Variants in SLC26A7 observed in about 807,000 individuals in gnomAD.
SLC26A7 encodes solute carrier family 26 member 7, also known as anion exchange transporter.
A neutral mutation model predicts 82.5 loss-of-function variants in SLC26A7; 59 were observed. That is an observed-to-expected ratio of 0.72 (90% CI 0.58 to 0.89). SLC26A7 has a LOEUF of 0.89. SLC26A7 is among the 40% of genes least tolerant of loss of function. The pLI is 0.00. For missense variants in SLC26A7, 820 were observed against 793.0 expected (o/e 1.03, Z -0.41); for synonymous variants, 271 against 274.3 (o/e 0.99, Z 0.12).
chr8:91,259,777 G>A (rs916555527), intron 2 of SLC26A7, among the ~76,000 whole-genome samples: 1 of 151,996 alleles, frequency 6.6e-6, no homozygotes, highest in Non-Finnish European at 1.5e-5. Flanking sequence ...GTTTAGTTCA[G>A]TAATTCTCAA....
At chr8:91,355,873 C>T (rs188438107) in intron 11 of SLC26A7, among the ~76,000 whole-genome samples, 135 of 152,246 alleles carry the variant, frequency 8.9e-4, no homozygotes, top group African/African-American at 3.0e-3. Context: ...GCTATCCCTC[C>T]CCTCTCCCCC....
chr8:91,361,130 G>A (rs1814038649), intron 11 of SLC26A7, among the ~76,000 whole-genome samples: 1 of 151,910 alleles, frequency 6.6e-6, no homozygotes, highest in Admixed American at 6.6e-5. Flanking sequence ...TACATCAAAA[G>A]GAATTTTAAG....
chr8:91,212,587 T>G (rs1371496179), intron 1 of SLC26A7, among the ~76,000 whole-genome samples: 1 of 152,178 alleles, frequency 6.6e-6, no homozygotes, highest in African/African-American at 2.4e-5. Flanking sequence ...CATTTAATAA[T>G]TTTACTCATT....
chr8:91,274,552 G>A (rs149157196), intron 2 of SLC26A7, among the ~76,000 whole-genome samples: 43 of 152,246 alleles, frequency 2.8e-4, no homozygotes, highest in Admixed American at 6.5e-4. Flanking sequence ...AAGAGAGGGT[G>A]ACCTCACTCC....
intron 11 of SLC26A7, among the ~76,000 whole-genome samples, chr8:91,358,267 C>A (rs1813932782): frequency 6.6e-6 from 1 of 152,068 alleles, no homozygotes; most frequent in Non-Finnish European, 1.5e-5. Context: ...TGGGTATATA[C>A]CCAAAGGAAT....
intron 3 of SLC26A7, among the ~76,000 whole-genome samples, chr8:91,292,923 A>C (rs1462646858): frequency 6.6e-6 from 1 of 152,210 alleles, no homozygotes; most frequent in Non-Finnish European, 1.5e-5. Context: ...TTATTTAAAG[A>C]GCAAAGTTTA....
At chr8:91,387,110 A>T (rs1478525509) in intron 15 of SLC26A7, among the ~76,000 whole-genome samples, 4 of 152,130 alleles carry the variant, frequency 2.6e-5, no homozygotes, top group Non-Finnish European at 5.9e-5. Context: ...AATTTAATAG[A>T]ACATTTCCAA....
intron 2 of SLC26A7, among the ~76,000 whole-genome samples, chr8:91,261,555 A>C (rs1464953171): frequency 6.6e-6 from 1 of 152,092 alleles, no homozygotes; most frequent in Non-Finnish European, 1.5e-5. Flanking sequence ...ACATAACATG[A>C]AATGATGATT....
rs1179940325 is a variant in SLC26A7, at chr8:91,249,367, A to G, written c.-160A>G. ...CATTACTTTTCCAAGACCAGAAAAA[A>G]ATATTACATGAACAGGAACTACTTC... On this transcript the variant is annotated 5_prime_UTR_variant, in exon 1 of 19. Transcript: ENST00000276609. 4.3e-6 allele frequency: 1 copy of G among 232,434 alleles called. No homozygotes were observed. The highest frequency in any genetic ancestry group is 2.2e-5 in the African/African-American group (1 of 44,476). 14.4% of individuals were successfully genotyped at this position (232,434 alleles called of 1,614,324 possible). A position where few individuals can be genotyped will look rare whatever the true frequency, so the allele number is the denominator to read the frequency against.
At chr8:91,241,951 T>C (rs1297302449) in intron 2 of SLC26A7, among the ~76,000 whole-genome samples, 1 of 152,198 alleles carries the variant, frequency 6.6e-6, no homozygotes. Context: ...GAATTTTCCC[T>C]AGTTTTGAAA....
chr8:91,313,670 A>G (rs1244859074), intron 4 of SLC26A7, among the ~76,000 whole-genome samples: 1 of 152,084 alleles, frequency 6.6e-6, no homozygotes, highest in East Asian at 1.9e-4. Flanking sequence ...CCCTTTCCCA[A>G]CATCATCATT....
chr8:91,214,158 A>G (rs1809993592), intron 1 of SLC26A7, among the ~76,000 whole-genome samples: 2 of 152,074 alleles, frequency 1.3e-5, no homozygotes, highest in South Asian at 4.1e-4. Flanking sequence ...GGTGGTGGAA[A>G]AGCAAGGAAA....
At chr8:91,270,897 A>G (rs942094894) in intron 2 of SLC26A7, among the ~76,000 whole-genome samples, 2 of 152,184 alleles carry the variant, frequency 1.3e-5, no homozygotes, top group East Asian at 3.8e-4. Context: ...TTTCTAAAGT[A>G]CCAAGGATCT....
intron 5 of SLC26A7, among the ~76,000 whole-genome samples, chr8:91,331,716 G>T (rs1234675984): frequency 6.6e-6 from 1 of 151,918 alleles, no homozygotes; most frequent in Non-Finnish European, 1.5e-5. Flanking sequence ...GCCTTCAAAG[G>T]TTTTCCATAC....
At chr8:91,332,840 T>C (rs920039619) in intron 5 of SLC26A7, among the ~76,000 whole-genome samples, 1 of 152,142 alleles carries the variant, frequency 6.6e-6, no homozygotes, top group Non-Finnish European at 1.5e-5. Flanking sequence ...TTATATATTT[T>C]ATTATTAGTA....
At position 91,340,284 on chromosome 8, in the gene SLC26A7, C is replaced by T. The variant is rs1404829251; in HGVS notation, c.879-120C>T. The T allele has an allele frequency of 5.5e-6, 7 of 1,269,830 alleles. No homozygotes were observed. In the East Asian group the frequency reaches 1.4e-4, roughly 26 times the overall value. The allele number at this position is 1,269,830 out of a possible 1,614,324, so 78.7% of individuals were successfully genotyped here. A position where few individuals can be genotyped will look rare whatever the true frequency, so the allele number is the denominator to read the frequency against. On this transcript the variant is annotated intron_variant, in intron 7 of 18. Transcript: ENST00000276609. Reference sequence around the variant, plus strand: ...TAAGGGCAAGGCTGCTTGGTTTTCTCATGGGTATTTCACTTAGTCTATGTA... The same window carrying T: ...TAAGGGCAAGGCTGCTTGGTTTTCTTATGGGTATTTCACTTAGTCTATGTA...
chr8:91,310,557 G>A (rs1812452319), intron 4 of SLC26A7, among the ~76,000 whole-genome samples: 1 of 151,628 alleles, frequency 6.6e-6, no homozygotes, highest in African/African-American at 2.4e-5. Flanking sequence ...ACGAAATAAG[G>A]GGGTGAGGAC....
chr8:91,314,949 T>C (rs1162857326), intron 4 of SLC26A7, among the ~76,000 whole-genome samples: 1 of 152,178 alleles, frequency 6.6e-6, no homozygotes, highest in Non-Finnish European at 1.5e-5. Context: ...AACTGTTAAA[T>C]TGTGGAAATG....
intron 4 of SLC26A7, among the ~76,000 whole-genome samples, chr8:91,301,910 A>G (rs1246983088): frequency 2.6e-5 from 4 of 151,968 alleles, no homozygotes; most frequent in East Asian, 1.9e-4. Context: ...TTTTGCTTCA[A>G]TATTTTTTAG....
Sources: allele counts gnomAD v4.1 joint callset (sites outside exome capture counted in the v4.1 genomes callset), GRCh38; gene constraint gnomAD v4.1.1; transcripts MANE v1.5; gene names NCBI Gene and HGNC (gene_info 2026-07-23, HGNC 2026-07-21).